CHD3: variants seen among roughly 807,000 people sequenced by gnomAD.
CHD3 encodes the protein ATP-dependent chromatin remodeler CHD3.
CHD3 carries 52 observed loss-of-function variants against 248.9 expected under a neutral mutation model. The observed-to-expected ratio is 0.21, with a 90% confidence interval of 0.17 to 0.26. The LOEUF is 0.26. CHD3 is among the 10% of genes least tolerant of loss of function. The probability of loss-of-function intolerance (pLI) is 1.00; values close to 1 mark genes in which losing one functional copy is unlikely to be tolerated. For missense variants in CHD3, 1,482 were observed against 2,605.8 expected (o/e 0.57, Z 9.39); for synonymous variants, 985 against 985.2 (o/e 1.00, Z 0.00).
Position 7,910,848 on chromosome 17 carries a change from C to T in CHD3, c.5756C>T (p.Ala1919Val). ...SKGTEPHPTP[A>V]YPPGPYATPP... ...ACTTCTGCTTCCTCTCTGTTCCAGG[C>T]CTACCCGCCGGGTCCCTACGCTACA... is the stretch of plus-strand genomic sequence containing the variant. The change falls in exon 39 of 40, where the codon GCC (alanine) becomes GTC (valine). Residue 1919 changes from alanine to valine, a missense_variant and splice_region_variant. Physicochemically the swap from Ala to Val is moderately conservative, Grantham distance 64. Transcript: ENST00000330494. The surrounding 1 kb of genome is among the most constrained non-coding windows in gnomAD (Gnocchi z 4.7). 6.2e-7 allele frequency: 1 copy of T among 1,600,168 alleles called. No homozygotes were observed. The highest frequency in any genetic ancestry group is 1.1e-5 in the South Asian group (1 of 89,232).
rs1970520046 is a variant in CHD3 at position 7,903,194 on chromosome 17, T to C, written c.3496-78T>C. On this transcript the variant is annotated intron_variant, in intron 22 of 39. Coordinates refer to ENST00000330494, the MANE Select transcript of CHD3 (RefSeq NM_001005273.3). This position sits in a 1 kb window ranked among gnomAD's most constrained non-coding sequence, Gnocchi z 6.8. ...AGAAGGCCCTTCTTCAGCAGCCTTC[T>C]TTCCTGAGGCAGCTCTATGGGCAGC... 4 of 1,575,292 alleles carry C rather than the reference T, an allele frequency of 2.5e-6. No individual in the cohort carries two copies. The highest frequency in any genetic ancestry group is 2.7e-5 in the African/African-American group (2 of 74,156).
rs1969382581 is a variant in CHD3, at chr17:7,894,622, G to A, written c.1269+14G>A. ...TGCCCTCACTGTGTGAGTACCTAAT[G>A]CCAGCATCTGATGGCCCTGAGGAAC... On this transcript the variant is annotated intron_variant, in intron 8 of 39. Coordinates refer to ENST00000330494, the MANE Select transcript of CHD3 (RefSeq NM_001005273.3). 3 of 1,602,218 alleles carry A rather than the reference G, an allele frequency of 1.9e-6. No homozygotes were observed. Among genetic ancestry groups the A allele is most frequent in the Non-Finnish European group, 1.7e-6 (2 of 1,171,300 alleles).
chr17:7,901,315 G>T lies in CHD3; in HGVS notation c.3192G>T (p.Leu1064=), dbSNP rs1201287747. ...TTAAGTCGTCTGGGAAGCTCATGCTGCTCCAGAAGATGCTGCGAAAGCTGA... is the reference window on the plus strand; with the variant it reads ...TTAAGTCGTCTGGGAAGCTCATGCTTCTCCAGAAGATGCTGCGAAAGCTGA... ...ALIKSSGKLM[L]LQKMLRKLKE... The change falls in exon 20 of 40, where the codon CTG becomes CTT. Residue 1064 remains leucine (L), a synonymous_variant. Transcript: ENST00000330494. 1.2e-6 allele frequency: 2 copies of T among 1,613,976 alleles called. No homozygotes were observed. The highest frequency in any genetic ancestry group is 1.7e-6 in the Non-Finnish European group (2 of 1,179,900).
chr17:7,897,347 C>A lies in CHD3; in HGVS notation c.1919+53C>A. The A allele has an allele frequency of 1.4e-6, 2 of 1,434,010 alleles. No homozygotes were observed. Among genetic ancestry groups the A allele is most frequent in the Non-Finnish European group, 2.0e-6 (2 of 1,025,138 alleles). 88.8% of individuals were successfully genotyped at this position (1,434,010 alleles called of 1,614,324 possible). A position where few individuals can be genotyped will look rare whatever the true frequency, so the allele number is the denominator to read the frequency against. ...ACCTGGTATATGACATTATTCTTACCATGGTGATGGCCCCATGTTAGTATT... is the reference window on the plus strand; with the variant it reads ...ACCTGGTATATGACATTATTCTTACAATGGTGATGGCCCCATGTTAGTATT... On this transcript the variant is annotated intron_variant, in intron 11 of 39. Transcript: ENST00000330494. This position sits in a 1 kb window ranked among gnomAD's most constrained non-coding sequence, Gnocchi z 4.8.
chr17:7,895,153 G>A lies in CHD3; in HGVS notation c.1503+3G>A, dbSNP rs781363200. On this transcript the variant is annotated splice_donor_region_variant and intron_variant, in intron 9 of 39. Coordinates refer to ENST00000330494, the MANE Select transcript of CHD3 (RefSeq NM_001005273.3). This position sits in a 1 kb window ranked among gnomAD's most constrained non-coding sequence, Gnocchi z 4.9. ...AATGGCTGTGTCCCCGATGCACAGT[G>A]AGTGGAAACATCTCCCCTCTGTATT... The A allele has an allele frequency of 2.7e-5, 44 of 1,612,958 alleles. No individual in the cohort carries two copies. Among genetic ancestry groups the A allele is most frequent in the Non-Finnish European group, 3.7e-5 (44 of 1,179,354 alleles).
rs1421278495 is a variant in CHD3, at chr17:7,900,361, T to C, written c.2754T>C (p.Asn918=). ...LLLTGTPLQN[N]LEELFHLLNF... ...TGACAGGAACCCCATTGCAGAATAA[T>C]CTGGAGGAGCTCTTCCATCTCCTGA... The change falls in exon 17 of 40, where the codon AAT becomes AAC. Residue 918 remains asparagine, a synonymous_variant. Transcript: ENST00000330494. This position sits in a 1 kb window ranked among gnomAD's most constrained non-coding sequence, Gnocchi z 6.5. 6.2e-7 allele frequency: 1 copy of C among 1,614,018 alleles called. No homozygotes were observed. Among genetic ancestry groups the C allele is most frequent in the African/African-American group, 1.3e-5 (1 of 74,884 alleles).
rs199520081 is a variant in CHD3 at position 7,908,649 on chromosome 17, G to A, written c.5262-48G>A. 42 of 1,611,534 alleles carry A rather than the reference G, an allele frequency of 2.6e-5. No individual in the cohort carries two copies. The highest frequency in any genetic ancestry group is 4.0e-5 in the African/African-American group (3 of 74,802). ...AAAAGGAAGAAGTGTTCAAAGCCAA[G>A]CCCATTCCTGTTAAATTCCTTGATG... On this transcript the variant is annotated intron_variant, in intron 35 of 39. Coordinates refer to ENST00000330494, the MANE Select transcript of CHD3 (RefSeq NM_001005273.3). This position sits in a 1 kb window ranked among gnomAD's most constrained non-coding sequence, Gnocchi z 5.8.
At chr17:7,896,435 C>T (rs1219278414) in intron 10 of CHD3, among the ~76,000 whole-genome samples, 54 of 140,212 alleles carry the variant, frequency 3.9e-4, no homozygotes, top group South Asian at 1.3e-3. Context: ...GATGGAGTTT[C>T]GCTCTTGTTG....
chr17:7,890,718 G>A lies in CHD3; in HGVS notation c.361G>A (p.Gly121Arg). 1.3e-6 allele frequency: 2 copies of A among 1,589,720 alleles called. No homozygotes were observed. Among genetic ancestry groups the A allele is most frequent in the Non-Finnish European group, 1.7e-6 (2 of 1,170,472 alleles). Residue 121 changes from glycine (G) to arginine (R), a missense_variant, in exon 3 of 40, where the codon GGG becomes AGG. Gly to Arg is a moderately radical substitution (Grantham distance 125). Transcript: ENST00000330494. ...GAAGAAGACAAAGCGGCGGAAAAAG[G>A]GGGAGGGAGATGGGGGGCAAAAGGT... Reference protein sequence around the residue: ...KEKKTKRRKKGEGDGGQKQVE... With the variant: ...KEKKTKRRKKREGDGGQKQVE...
chr17:7,885,054 TGCCCCC>T (rs1450685456), upstream of CHD3: 31 of 976,248 alleles, frequency 3.2e-5, no homozygotes, highest in Non-Finnish European at 3.6e-5. Flanking sequence ...CCGCCACCGC[TGCCCCC>T]GCCGCCGCCG....
In CHD3 at chr17:7,905,572, G is replaced by A. The variant is rs923421587; in HGVS notation, c.4139-49G>A. 2 of 1,407,962 alleles carry A rather than the reference G, an allele frequency of 1.4e-6. No homozygotes were observed. The highest frequency in any genetic ancestry group is 4.2e-5 in the Admixed American group (2 of 47,714). The allele number at this position is 1,407,962 out of a possible 1,614,324, so 87.2% of individuals were successfully genotyped here. A position where few individuals can be genotyped will look rare whatever the true frequency, so the allele number is the denominator to read the frequency against. On this transcript the variant is annotated intron_variant, in intron 26 of 39. Coordinates refer to ENST00000330494, the MANE Select transcript of CHD3 (RefSeq NM_001005273.3). This position sits in a 1 kb window ranked among gnomAD's most constrained non-coding sequence, Gnocchi z 5.8. ...GAATGGGGTGCTAAGGAGGACTGAG[G>A]CTTAGAGGAGGTGGTGGCTCAGCTA...
chr17:7,899,589 C>G lies in CHD3; in HGVS notation c.2544+46C>G. On this transcript the variant is annotated intron_variant, in intron 15 of 39. Transcript: ENST00000330494. This position sits in a 1 kb window ranked among gnomAD's most constrained non-coding sequence, Gnocchi z 6.8. ...TCCTCTGAGACCCTCAAAGCTGTCA[C>G]TTCTTTTTCTCAGCCAGGAATTCAG... 1 of 1,571,144 alleles carries G rather than the reference C, an allele frequency of 6.4e-7. No individual in the cohort carries two copies. Among genetic ancestry groups the G allele is most frequent in the South Asian group, 1.1e-5 (1 of 89,552 alleles).
In CHD3 at chr17:7,905,025, C is replaced by A; in HGVS notation, c.4073-75C>A. The A allele has an allele frequency of 7.4e-7, 1 of 1,351,988 alleles. No homozygotes were observed. The highest frequency in any genetic ancestry group is 1.2e-5 in the South Asian group (1 of 85,186). 83.7% of individuals were successfully genotyped at this position (1,351,988 alleles called of 1,614,324 possible). A position where few individuals can be genotyped will look rare whatever the true frequency, so the allele number is the denominator to read the frequency against. ...TAGACAAGTCTCGGCAGGGAGGAAT[C>A]CAGCCAGAAAGGGCCTCAGCATGGG... On this transcript the variant is annotated intron_variant, in intron 25 of 39. Coordinates refer to ENST00000330494, the MANE Select transcript of CHD3 (RefSeq NM_001005273.3). This position sits in a 1 kb window ranked among gnomAD's most constrained non-coding sequence, Gnocchi z 5.8.
rs375597707 is a variant in CHD3, at chr17:7,907,206, C to T, written c.4747C>T (p.Pro1583Ser). 5.0e-6 allele frequency: 8 copies of T among 1,614,120 alleles called. No homozygotes were observed. Among genetic ancestry groups the T allele is most frequent in the Non-Finnish European group, 6.8e-6 (8 of 1,180,040 alleles). The change falls in exon 31 of 40, where the codon CCA (proline) becomes TCA (serine). Residue 1583 changes from proline (P) to serine (S), a missense_variant. By Grantham distance (74) the Pro-to-Ser change is moderately conservative. This residue lies in a region of CHD3 where 254 missense variants were observed against 266.7 expected (regional missense o/e 0.95). Transcript: ENST00000330494. The surrounding 1 kb of genome is among the most constrained non-coding windows in gnomAD (Gnocchi z 4.3). ...GGAAGCTGAAAACCAGGAGGAAAAG[C>T]CAGAGAAGAACAGCAGAATTGGGGA... ...KEEAENQEEK[P>S]EKNSRIGEKM...
chr17:7,904,975 A>G lies in CHD3; in HGVS notation c.4073-125A>G, dbSNP rs1597987002. 2.0e-5 allele frequency: 18 copies of G among 888,726 alleles called. No individual in the cohort carries two copies. The East Asian group carries it at 4.4e-4, about 22-fold the overall frequency. 55.1% of individuals were successfully genotyped at this position (888,726 alleles called of 1,614,324 possible). ...CTTTGGGCAGTGATCTGGTGTTCCC[A>G]GAAGGACCAAGGCCAGAATAAAGGT... On this transcript the variant is annotated intron_variant, in intron 25 of 39. Coordinates refer to ENST00000330494, the MANE Select transcript of CHD3 (RefSeq NM_001005273.3). The surrounding 1 kb of genome is among the most constrained non-coding windows in gnomAD (Gnocchi z 4.4).
intron 21 of CHD3, 103 bp from the exon 22 acceptor site, chr17:7,902,834 C>A: frequency 6.3e-7 from 1 of 1,580,176 alleles, no homozygotes; most frequent in South Asian, 1.2e-5. Context: ...GAAACTTAGG[C>A]TTTGAGTTGG....
At position 7,907,802 on chromosome 17, in the gene CHD3, G is replaced by A; in HGVS notation, c.5027-92G>A. On this transcript the variant is annotated intron_variant, in intron 33 of 39. Coordinates refer to ENST00000330494, the MANE Select transcript of CHD3 (RefSeq NM_001005273.3). The surrounding 1 kb of genome is among the most constrained non-coding windows in gnomAD (Gnocchi z 4.3). ...TTGGGTCCTGGGCGGGTAGCTGTTT[G>A]AAAGGCCAGTACAGTACAGTACAGA... 6.6e-7 allele frequency: 1 copy of A among 1,516,918 alleles called. No homozygotes were observed. The highest frequency in any genetic ancestry group is 1.3e-5 in the South Asian group (1 of 78,122). 94.0% of individuals were successfully genotyped at this position (1,516,918 alleles called of 1,614,324 possible).
At chr17:7,885,110 C>A (rs1018360899), upstream of CHD3, 3 of 983,224 alleles carry the variant, frequency 3.1e-6, no homozygotes, top group African/African-American at 1.8e-5. Context: ...ACTCCCCCCC[C>A]AAGCCCGAGT....
rs1971321856 is a variant in CHD3 at position 7,909,024 on chromosome 17, C to A, written c.5395-119C>A. 1.4e-6 allele frequency: 2 copies of A among 1,439,562 alleles called. No individual in the cohort carries two copies. The highest frequency in any genetic ancestry group is 1.3e-5 in the South Asian group (1 of 76,454). 89.2% of individuals were successfully genotyped at this position (1,439,562 alleles called of 1,614,324 possible). ...TGCTAGGTTCGCAGTCGGTTTGGAG[C>A]TGGGAGTGCCCTGGGCCAGCAGTGA... On this transcript the variant is annotated intron_variant, in intron 36 of 39. Coordinates refer to ENST00000330494, the MANE Select transcript of CHD3 (RefSeq NM_001005273.3). This position sits in a 1 kb window ranked among gnomAD's most constrained non-coding sequence, Gnocchi z 8.1.
Sources: allele counts gnomAD v4.1 joint callset (sites outside exome capture counted in the v4.1 genomes callset), GRCh38; gene constraint gnomAD v4.1.1; regional missense constraint gnomAD v4.1.1; non-coding constraint Gnocchi (gnomAD v3.1); transcripts MANE v1.5; gene names NCBI Gene and HGNC (gene_info 2026-07-23, HGNC 2026-07-21).